Variants in NLRP7 observed in about 807,000 individuals in gnomAD.
The protein encoded by NLRP7 is NACHT, LRR and PYD domains-containing protein 7.
A neutral mutation model predicts 85.5 loss-of-function variants in NLRP7; 72 were observed. The ratio of observed to expected loss-of-function variants is 0.84; its 90% CI spans 0.70 to 1.02. The LOEUF (loss-of-function observed/expected upper bound fraction) is 1.02, where lower values mean the gene tolerates loss of function less well. Among genes scored for constraint, NLRP7 ranks in the 50% least tolerant of loss-of-function variants. The pLI is 0.00. For synonymous variants in NLRP7, 550 were observed against 505.2 expected (o/e 1.09, Z -1.19); for missense variants, 1,243 against 1,219.5 (o/e 1.02, Z -0.29).
At chr19:54,929,338 C>T (rs916420044) in intron 9 of NLRP7, among the ~76,000 whole-genome samples, 2 of 152,028 alleles carry the variant, frequency 1.3e-5, no homozygotes, top group Non-Finnish European at 2.9e-5. Flanking sequence ...GCACTCCAGC[C>T]TGGGTGACAA....
At chr19:54,957,951 C>A (rs975922610) in intron 1 of NLRP7, among the ~76,000 whole-genome samples, 5 of 152,118 alleles carry the variant, frequency 3.3e-5, no homozygotes, top group African/African-American at 1.2e-4. Context: ...CACGGTGTCT[C>A]ACGCCTGTAA....
chr19:54,950,569 G>C (rs1229938350), upstream of NLRP7, among the ~76,000 whole-genome samples: 1 of 152,124 alleles, frequency 6.6e-6, no homozygotes, highest in African/African-American at 2.4e-5. Flanking sequence ...TCATAGACAA[G>C]GTAAAGAACT....
Position 54,932,969 on chromosome 19 carries a change from A to G in NLRP7, c.2642+600T>C, listed in dbSNP as rs187369660. The stretch of plus-strand genomic sequence containing the variant: ...AAAAAGGTGCCACTGGCCCTACCAC[A>G]TAACTCAATCTACCTCCAATAGCAG... On this transcript the variant is annotated intron_variant, in intron 8 of 9. Coordinates refer to ENST00000340844, the Ensembl canonical transcript of NLRP7. 6.3e-4 allele frequency among the ~76,000 whole-genome samples: 96 copies of G among 152,256 alleles called. 1 individual carries two copies. Among genetic ancestry groups the G allele is most frequent in the Admixed American group, 5.1e-3 (78 of 15,270 alleles).
exon 9 of NLRP7, chr19:54,930,605 C>G: frequency 2.5e-6 from 4 of 1,612,204 alleles, no homozygotes; most frequent in Non-Finnish European, 3.4e-6. Flanking sequence ...AGGCTGCAGG[C>G]TTCTTGGAGC....
chr19:54,933,632 T>A, exon 8 of NLRP7: 1 of 1,614,172 alleles, frequency 6.2e-7, no homozygotes, highest in Non-Finnish European at 8.5e-7. Context: ...CACCCCTGTA[T>A]CCCCAATGGG....
At chr19:54,930,129 A>G (rs1191231126) in intron 9 of NLRP7, among the ~76,000 whole-genome samples, 2 of 149,912 alleles carry the variant, frequency 1.3e-5, no homozygotes, top group Non-Finnish European at 2.9e-5. Flanking sequence ...AAAAAAAAAA[A>G]AAAAAGAAAA....
intron 9 of NLRP7, among the ~76,000 whole-genome samples, chr19:54,927,133 A>G (rs2068477494): frequency 6.6e-6 from 1 of 150,504 alleles, no homozygotes; most frequent in Admixed American, 6.7e-5. Flanking sequence ...TCACCTCTGT[A>G]ATCCCACCAC....
At chr19:54,962,776 T>G (rs1426413472) in intron 1 of NLRP7, among the ~76,000 whole-genome samples, 2 of 150,184 alleles carry the variant, frequency 1.3e-5, no homozygotes, top group Admixed American at 1.3e-4. Flanking sequence ...ATTTTTTGTA[T>G]TTTTAGTAGA....
chr19:54,944,104 G>C (rs918964134), intron 1 of NLRP7, among the ~76,000 whole-genome samples: 3 of 152,204 alleles, frequency 2.0e-5, no homozygotes, highest in East Asian at 1.9e-4. Flanking sequence ...ATAAGGCCTC[G>C]TGGGAAGGGA....
Position 54,934,797 on chromosome 19 carries a change from C to T in NLRP7, c.2301-138G>A. ...TGATCTCACCTCACTGCAGCCTCCG[C>T]CTCCCGGGTTCAAGCTATTCTCCTG... On this transcript the variant is annotated intron_variant, in intron 6 of 9. Transcript: ENST00000340844. This position sits in a 1 kb window ranked among gnomAD's most constrained non-coding sequence, Gnocchi z 6.7. The T allele has an allele frequency of 1.5e-6, 1 of 676,486 alleles. No individual in the cohort carries two copies. Among genetic ancestry groups the T allele is most frequent in the East Asian group, 2.8e-5 (1 of 36,250 alleles). The allele number at this position is 676,486 out of a possible 1,614,324, so 41.9% of individuals were successfully genotyped here.
intron 1 of NLRP7, among the ~76,000 whole-genome samples, chr19:54,965,580 C>G (rs867869356): frequency 1.0e-4 from 7 of 67,340 alleles, no homozygotes; most frequent in Admixed American, 5.7e-4. Flanking sequence ...CTCAGCCTCC[C>G]GAGTAGCTGG....
At position 54,923,880 on chromosome 19, in the gene NLRP7, G is replaced by T; in HGVS notation, c.2811-8C>A. 6.2e-7 allele frequency: 1 copy of T among 1,612,196 alleles called. No homozygotes were observed. The highest frequency in any genetic ancestry group is 8.5e-7 in the Non-Finnish European group (1 of 1,179,450). On this transcript the variant is annotated splice_polypyrimidine_tract_variant and splice_region_variant and intron_variant, in intron 9 of 9. Transcript: ENST00000340844. ...GTTTCATAGGTCTTCAACCTGGAGG[G>T]ATCAGAGAACACAAATGTTCCCAGA...
At chr19:54,925,374 G>C (rs924253949) in intron 9 of NLRP7, among the ~76,000 whole-genome samples, 2 of 152,080 alleles carry the variant, frequency 1.3e-5, no homozygotes, top group African/African-American at 4.8e-5. Flanking sequence ...ACAATTATTT[G>C]AACTGCAGAC....
intron 4 of NLRP7, 70 bp downstream of exon 4, chr19:54,938,818 A>G (rs2069060938): frequency 6.5e-7 from 1 of 1,543,744 alleles, no homozygotes; most frequent in African/African-American, 1.4e-5. Flanking sequence ...AAATTCTGAC[A>G]GTAAGCGACA....
chr19:54,932,426 C>CAAA (rs71960636), intron 8 of NLRP7, among the ~76,000 whole-genome samples: 42,810 of 140,644 alleles, frequency 0.3, 6,436 homozygotes, highest in Middle Eastern at 0.42. Context: ...AGACTTCATC[C>CAAA]AAAAAAAAAA....
intron 1 of NLRP7, among the ~76,000 whole-genome samples, chr19:54,945,083 C>CA (rs999109973): frequency 4.6e-4 from 68 of 146,352 alleles, no homozygotes; most frequent in African/African-American, 1.3e-3. Flanking sequence ...ACTAAAAATA[C>CA]AAAAAAAAAA....
At chr19:54,937,736 A>G (rs1191053113) in intron 5 of NLRP7, among the ~76,000 whole-genome samples, 1 of 152,064 alleles carries the variant, frequency 6.6e-6, no homozygotes, top group African/African-American at 2.4e-5. Context: ...TGTCTGTGCT[A>G]AAAGTACAAA....
chr19:54,927,201 C>A (rs370202613), intron 9 of NLRP7, among the ~76,000 whole-genome samples: 16 of 151,960 alleles, frequency 1.1e-4, no homozygotes, highest in African/African-American at 3.6e-4. Flanking sequence ...CTAGCCTGGC[C>A]AACATGGTGA....
At chr19:54,940,576 C>T (rs900379317) in intron 3 of NLRP7, 110 bp from the exon 4 acceptor site, 30 of 1,345,890 alleles carry the variant, frequency 2.2e-5, no homozygotes, top group African/African-American at 2.9e-5. Context: ...CTTGTAATCC[C>T]GGCACTTTGG....
Sources: allele counts gnomAD v4.1 joint callset (sites outside exome capture counted in the v4.1 genomes callset), GRCh38; gene constraint gnomAD v4.1.1; non-coding constraint Gnocchi (gnomAD v3.1); transcripts MANE v1.5; gene names NCBI Gene and HGNC (gene_info 2026-07-23, HGNC 2026-07-21).